Variants in CD84 observed in about 807,000 individuals in gnomAD.
CD84 encodes SLAM family member 5.
CD84 carries 22 observed loss-of-function variants against 33.8 expected under a neutral mutation model. The observed-to-expected ratio is 0.65, with a 90% CI of 0.46 to 0.93. The LOEUF is 0.93. CD84 is among the 40% of genes least tolerant of loss of function. The pLI, the probability that CD84 is intolerant of heterozygous loss-of-function variation, is 0.00. For missense variants in CD84, 400 were observed against 397.6 expected, an observed-to-expected ratio of 1.01 and a Z score of -0.05; for synonymous variants, 154 against 145.2, an observed-to-expected ratio of 1.06 and a Z score of -0.44.
In CD84 at chr1:160,543,064, C is replaced by G. The variant is rs1655624764; in HGVS notation, c.*5192G>C. ...ATCAGAATGTTTATGACCTGAAACC[C>G]CTGCCTGTCCAAAATGCATATAGAG... On this transcript the variant is annotated 3_prime_UTR_variant, in exon 7 of 7. Transcript: ENST00000368054. The G allele has an allele frequency of 6.6e-6, 1 of 151,990 alleles. No individual in the cohort carries two copies. The highest frequency in any genetic ancestry group is 2.4e-5 in the African/African-American group (1 of 41,366). The allele number at this position is 151,990 out of a possible 1,614,324, so 9.4% of individuals were successfully genotyped here. A position where few individuals can be genotyped will look rare whatever the true frequency, so the allele number is the denominator to read the frequency against.
intron 2 of CD84, among the ~76,000 whole-genome samples, chr1:160,558,394 A>C (rs59607334): frequency 0.033 from 5,048 of 152,290 alleles, 284 homozygotes; most frequent in African/African-American, 0.12. Context: ...ACAGCCCCAC[A>C]GAAGAGTAGC....
chr1:160,549,011 C>T (rs568277128), intron 6 of CD84, among the ~76,000 whole-genome samples: 91 of 152,276 alleles, frequency 6.0e-4, no homozygotes, highest in Non-Finnish European at 1.2e-3. Flanking sequence ...TTCTCCTCTT[C>T]TTTCCTCATT....
chr1:160,553,785 C>G (rs751115987), intron 3 of CD84, 110 bp downstream of exon 3: 13 of 1,539,146 alleles, frequency 8.4e-6, no homozygotes, highest in Non-Finnish European at 1.1e-5. Flanking sequence ...GTGACCAGGC[C>G]AAAGATAAAG....
rs930058702 is a variant in CD84 at position 160,548,444 on chromosome 1, C to A, written c.922-123G>T. 8 of 872,538 alleles carry A rather than the reference C, an allele frequency of 9.2e-6. No individual in the cohort carries two copies. In the Admixed American group the frequency reaches 1.7e-4, roughly 18 times the overall value. The allele number at this position is 872,538 out of a possible 1,614,324, so 54.0% of individuals were successfully genotyped here. A position where few individuals can be genotyped will look rare whatever the true frequency, so the allele number is the denominator to read the frequency against. ...GGGAATGCCTTAGATTTGCCTCATG[C>A]TGGGGAAATCTGGGGTAGCAGGGCC... On this transcript the variant is annotated intron_variant, in intron 6 of 6. Transcript: ENST00000368054.
rs140170897 is a variant in CD84 at position 160,569,304 on chromosome 1, T to A, written c.47-3559A>T. 1.0e-3 allele frequency among the ~76,000 whole-genome samples: 159 copies of A among 152,206 alleles called. 4 individuals are homozygous for A. In the East Asian group the frequency reaches 0.024, roughly 23 times the overall value. On this transcript the variant is annotated intron_variant, in intron 1 of 6. Transcript: ENST00000368054. ...AGATTTAAAAGAAAGAGTGTCCATA[T>A]CAATCAATCCCAATATTTATTTTTC...
rs898078863 is a variant in CD84, at chr1:160,545,833, T to A, written c.*2423A>T. 34 of 152,368 alleles carry A rather than the reference T, an allele frequency of 2.2e-4. No individual in the cohort carries two copies. The highest frequency in any genetic ancestry group is 7.7e-4 in the African/African-American group (32 of 41,534). The allele number at this position is 152,368 out of a possible 1,614,324, so 9.4% of individuals were successfully genotyped here. A position where few individuals can be genotyped will look rare whatever the true frequency, so the allele number is the denominator to read the frequency against. The stretch of plus-strand genomic sequence containing the variant: ...TTTAAGTACAGATGGGGTTTTGCCA[T>A]GCTGGCCAGGATCCTCTCAAATTCC... On this transcript the variant is annotated 3_prime_UTR_variant, in exon 7 of 7. Coordinates refer to ENST00000368054, the MANE Select transcript of CD84 (RefSeq NM_003874.4).
chr1:160,550,681 A>C, intron 5 of CD84: 3 of 985,186 alleles, frequency 3.0e-6, no homozygotes, highest in Non-Finnish European at 3.6e-6. Context: ...GGCTCATCTA[A>C]CCTGGAGCCG....
chr1:160,552,759 A>G, intron 4 of CD84: 1 of 1,535,080 alleles, frequency 6.5e-7, no homozygotes, highest in Non-Finnish European at 8.8e-7. Context: ...GACCCAAAGG[A>G]GAGTCAGGAA....
intron 5 of CD84, 193 bp downstream of exon 5, chr1:160,550,745 C>A (rs1656155799): frequency 4.1e-6 from 4 of 985,202 alleles, no homozygotes; most frequent in Non-Finnish European, 4.8e-6. Context: ...CATGGGGTGA[C>A]AATGGGTCAC....
intron 1 of CD84, among the ~76,000 whole-genome samples, chr1:160,573,611 A>T (rs1478341558): frequency 6.6e-6 from 1 of 152,120 alleles, no homozygotes; most frequent in Non-Finnish European, 1.5e-5. Context: ...TCCCAACATC[A>T]TCTCATTAGA....
At chr1:160,573,107 A>C (rs974263419) in intron 1 of CD84, among the ~76,000 whole-genome samples, 4 of 152,178 alleles carry the variant, frequency 2.6e-5, no homozygotes, top group African/African-American at 9.7e-5. Context: ...CACTGACTAG[A>C]AGAAGACAAT....
At chr1:160,573,305 G>C (rs1657805400) in intron 1 of CD84, among the ~76,000 whole-genome samples, 1 of 152,080 alleles carries the variant, frequency 6.6e-6, no homozygotes, top group South Asian at 2.1e-4. Flanking sequence ...AGTCAAATAT[G>C]GATGACAATG....
At chr1:160,565,326 A>G in intron 2 of CD84, 78 bp downstream of exon 2, 1 of 1,066,296 alleles carries the variant, frequency 9.4e-7, no homozygotes, top group Admixed American at 2.4e-5. Flanking sequence ...CCCAATTATC[A>G]GAAATGTAGA....
chr1:160,569,163 C>CG (rs1164376065), intron 1 of CD84, among the ~76,000 whole-genome samples: 4 of 152,126 alleles, frequency 2.6e-5, no homozygotes. Flanking sequence ...TTGGTGATGC[C>CG]GGGGCCATAC....
chr1:160,560,059 C>G (rs924433005), intron 2 of CD84, among the ~76,000 whole-genome samples: 2 of 152,066 alleles, frequency 1.3e-5, no homozygotes, highest in Non-Finnish European at 2.9e-5. Flanking sequence ...GAGTTAAACA[C>G]CCTACTTACC....
chr1:160,564,117 A>G (rs1657169769), intron 2 of CD84, among the ~76,000 whole-genome samples: 1 of 152,184 alleles, frequency 6.6e-6, no homozygotes, highest in South Asian at 2.1e-4. Context: ...AAAACAAAGC[A>G]CGCACATCTC....
chr1:160,554,759 G>A (rs554190609), intron 2 of CD84, among the ~76,000 whole-genome samples: 17 of 152,156 alleles, frequency 1.1e-4, no homozygotes, highest in Admixed American at 3.9e-4. Context: ...AATATCAACC[G>A]ATGTTTGTGT....
intron 2 of CD84, among the ~76,000 whole-genome samples, chr1:160,558,476 T>C (rs1434444668): frequency 1.3e-5 from 2 of 152,056 alleles, no homozygotes; most frequent in African/African-American, 2.4e-5. Context: ...AAAAACCCCA[T>C]TGGAAGGTCA....
chr1:160,554,164 T>C lies in CD84; in HGVS notation c.389-18A>G. Reference sequence around the variant, plus strand: ...AAGCCGACCTGTGGGGGCAAACACATGAGCCAATAGTGAGCTGGAGCTGGC... The same window carrying C: ...AAGCCGACCTGTGGGGGCAAACACACGAGCCAATAGTGAGCTGGAGCTGGC... On this transcript the variant is annotated intron_variant, in intron 2 of 6. Coordinates refer to ENST00000368054, the MANE Select transcript of CD84 (RefSeq NM_003874.4). The C allele has an allele frequency of 1.9e-6, 3 of 1,600,720 alleles. No individual in the cohort carries two copies. The highest frequency in any genetic ancestry group is 2.6e-6 in the Non-Finnish European group (3 of 1,172,754).
Sources: allele counts gnomAD v4.1 joint callset (sites outside exome capture counted in the v4.1 genomes callset), GRCh38; gene constraint gnomAD v4.1.1; transcripts MANE v1.5; gene names NCBI Gene and HGNC (gene_info 2026-07-23, HGNC 2026-07-21).